Variants in NBAS observed in about 807,000 individuals in gnomAD.
The protein encoded by NBAS is NBAS subunit of NRZ tethering complex, also known as NAG/BC035112 fusion.
NBAS carries 219 observed loss-of-function variants against 302.5 expected under a neutral mutation model. The ratio of observed to expected loss-of-function variants is 0.72; its 90% CI spans 0.65 to 0.81. NBAS has a LOEUF of 0.81. Among genes scored for constraint, NBAS ranks in the 30% least tolerant of loss-of-function variants. NBAS has a pLI of 0.00. For synonymous variants in NBAS, 1,118 were observed against 1,021.6 expected (o/e 1.09, Z -1.80); for missense variants, 2,932 against 2,841.6 (o/e 1.03, Z -0.72).
the NBAS span, among the ~76,000 whole-genome samples, chr2:14,827,406 C>T: frequency 6.6e-6 from 1 of 152,170 alleles, no homozygotes; most frequent in East Asian, 1.9e-4. Flanking sequence ...TTTGTGTAGA[C>T]ATGAGTCAAC....
chr2:15,119,098 T>C, the NBAS span, among the ~76,000 whole-genome samples: 1 of 152,026 alleles, frequency 6.6e-6, no homozygotes, highest in East Asian at 1.9e-4. Flanking sequence ...AAAGTAGATC[T>C]CCTCATGGGG....
At chr2:15,363,194 C>T (rs1674024367) in intron 32 of NBAS, among the ~76,000 whole-genome samples, 1 of 152,216 alleles carries the variant, frequency 6.6e-6, no homozygotes, top group African/African-American at 2.4e-5. Flanking sequence ...TCCTGACTGA[C>T]TGCCTATGGA....
intron 9 of NBAS, among the ~76,000 whole-genome samples, chr2:15,528,325 A>T (rs547539065): frequency 1.6e-3 from 244 of 151,328 alleles, no homozygotes; most frequent in Non-Finnish European, 2.7e-3. Context: ...CTTATTTTCT[A>T]GCTTGCATTC....
chr2:14,991,332 G>A, the NBAS span, among the ~76,000 whole-genome samples: 56 of 152,140 alleles, frequency 3.7e-4, no homozygotes, highest in African/African-American at 1.3e-3. Flanking sequence ...ATCTTGCTGA[G>A]CCTGCTGCTT....
chr2:15,507,162 A>G (rs1661896916), intron 10 of NBAS, among the ~76,000 whole-genome samples: 1 of 152,248 alleles, frequency 6.6e-6, no homozygotes, highest in African/African-American at 2.4e-5. Flanking sequence ...ATATCCTTCA[A>G]TAAACAAGAG....
the NBAS span, among the ~76,000 whole-genome samples, chr2:14,802,821 T>C: frequency 7.3e-6 from 1 of 136,062 alleles, no homozygotes; most frequent in Non-Finnish European, 1.5e-5. Context: ...TTCTCACTCA[T>C]AGGTGGGAAT....
chr2:14,843,752 C>T, the NBAS span, among the ~76,000 whole-genome samples: 263 of 152,154 alleles, frequency 1.7e-3, no homozygotes, highest in African/African-American at 6.0e-3. Flanking sequence ...AGAATCTGCA[C>T]TTAAGAGAGG....
At chr2:15,111,657 TC>T in the NBAS span, among the ~76,000 whole-genome samples, 13 of 148,846 alleles carry the variant, frequency 8.7e-5, no homozygotes, top group Admixed American at 8.1e-4. Flanking sequence ...CCAAGAAAAA[TC>T]CCCCCTCTAA....
intron 45 of NBAS, among the ~76,000 whole-genome samples, chr2:15,237,922 C>T (rs74409156): frequency 0.26 from 39,757 of 151,834 alleles, 5,917 homozygotes; most frequent in African/African-American, 0.42. Flanking sequence ...CTACAGGCGC[C>T]CGCCATTGGG....
the NBAS span, among the ~76,000 whole-genome samples, chr2:14,923,197 G>T: frequency 0.087 from 13,215 of 152,098 alleles, 647 homozygotes; most frequent in African/African-American, 0.11. Context: ...GTGGTTCTCC[G>T]TTCATTCATT....
At chr2:15,062,099 A>G in the NBAS span, among the ~76,000 whole-genome samples, 1 of 152,178 alleles carries the variant, frequency 6.6e-6, no homozygotes, top group African/African-American at 2.4e-5. Context: ...TTCGGGCAAC[A>G]TTGGGGTCAT....
intron 9 of NBAS, among the ~76,000 whole-genome samples, chr2:15,517,443 G>A (rs1429535886): frequency 2.6e-5 from 4 of 152,134 alleles, no homozygotes; most frequent in Non-Finnish European, 5.9e-5. Flanking sequence ...TATGACAGCT[G>A]CCTCTAGAGG....
the NBAS span, among the ~76,000 whole-genome samples, chr2:15,084,283 G>A: frequency 1.3e-5 from 2 of 152,008 alleles, no homozygotes; most frequent in Non-Finnish European, 2.9e-5. Context: ...GGCTGGTCTC[G>A]AACTCCTGGA....
the NBAS span, among the ~76,000 whole-genome samples, chr2:15,055,295 G>A: frequency 6.6e-6 from 1 of 152,194 alleles, no homozygotes; most frequent in African/African-American, 2.4e-5. Context: ...ATCTGGAAGA[G>A]GAAGACTGAG....
the NBAS span, among the ~76,000 whole-genome samples, chr2:15,021,984 A>G: frequency 1.3e-5 from 2 of 152,180 alleles, no homozygotes; most frequent in East Asian, 3.8e-4. Context: ...TATTCTTGGG[A>G]ACATGTCTAC....
chr2:15,361,024 C>T (rs1029638262), intron 32 of NBAS, among the ~76,000 whole-genome samples: 1 of 152,200 alleles, frequency 6.6e-6, no homozygotes, highest in Non-Finnish European at 1.5e-5. Flanking sequence ...CAAACTTACA[C>T]AACTGGCTGT....
the NBAS span, among the ~76,000 whole-genome samples, chr2:14,799,368 T>TTATTG: frequency 5.9e-5 from 9 of 152,120 alleles, no homozygotes; most frequent in Non-Finnish European, 1.3e-4. Context: ...GATCTTCTAG[T>TTATTG]TATTGTTCTA....
At chr2:15,272,911 G>C (rs1169855339) in intron 44 of NBAS, among the ~76,000 whole-genome samples, 2 of 152,170 alleles carry the variant, frequency 1.3e-5, no homozygotes, top group Non-Finnish European at 2.9e-5. Context: ...ATAATTTAAT[G>C]TGAATAATTT....
At chr2:15,095,125 C>T in the NBAS span, among the ~76,000 whole-genome samples, 1 of 152,062 alleles carries the variant, frequency 6.6e-6, no homozygotes, top group Non-Finnish European at 1.5e-5. Context: ...GGAGGTGGCC[C>T]TGCTTATTTT....
Sources: allele counts gnomAD v4.1 joint callset (sites outside exome capture counted in the v4.1 genomes callset), GRCh38; gene constraint gnomAD v4.1.1; transcripts MANE v1.5; gene names NCBI Gene and HGNC (gene_info 2026-07-23, HGNC 2026-07-21).